Variants in CATSPER3 observed in about 807,000 individuals in gnomAD.
The protein encoded by CATSPER3 is cation channel sperm-associated protein 3.
In CATSPER3, 23 loss-of-function variants were observed where a neutral mutation model predicts 36.6. The observed-to-expected ratio is 0.63, with a 90% CI of 0.45 to 0.89. The LOEUF is 0.89. CATSPER3 is among the 40% of genes least tolerant of loss of function. CATSPER3 has a pLI of 0.00. For synonymous variants in CATSPER3, 172 were observed against 184.1 expected, an observed-to-expected ratio of 0.93 and a Z score of 0.53; for missense variants, 474 against 503.9, an observed-to-expected ratio of 0.94 and a Z score of 0.57.
chr5:134,970,408 C>G (rs1751588772), intron 2 of CATSPER3, among the ~76,000 whole-genome samples: 2 of 152,000 alleles, frequency 1.3e-5, no homozygotes, highest in Non-Finnish European at 1.5e-5. Flanking sequence ...ATCCACCCGC[C>G]TCAGCCTCCC....
At chr5:134,972,792 C>T (rs1440649456) in intron 2 of CATSPER3, among the ~76,000 whole-genome samples, 1 of 152,148 alleles carries the variant, frequency 6.6e-6, no homozygotes, top group Non-Finnish European at 1.5e-5. Context: ...TGAAAGAGCA[C>T]ACATTGCATA....
At chr5:135,000,619 G>A (rs373517784) in intron 3 of CATSPER3, among the ~76,000 whole-genome samples, 2 of 152,050 alleles carry the variant, frequency 1.3e-5, no homozygotes, top group South Asian at 2.1e-4. Flanking sequence ...GTCTATTCAG[G>A]GATTCAACTT....
At chr5:134,969,409 G>A (rs917601760) in intron 1 of CATSPER3, 27 of 168,908 alleles carry the variant, frequency 1.6e-4, no homozygotes, top group African/African-American at 6.2e-4. Context: ...GATTGGTATT[G>A]CTGTAGAACA....
chr5:134,986,198 G>A (rs1042323280), intron 2 of CATSPER3, among the ~76,000 whole-genome samples: 1 of 150,806 alleles, frequency 6.6e-6, no homozygotes, highest in African/African-American at 2.4e-5. Context: ...AGGCTGGAGT[G>A]CAATGGCACA....
chr5:134,968,020 C>G lies in CATSPER3; in HGVS notation c.29C>G (p.Ser10Trp), dbSNP rs377374613. The G allele has an allele frequency of 4.3e-6, 7 of 1,613,922 alleles. No individual in the cohort carries two copies. The Admixed American group carries it at 1.0e-4, about 23-fold the overall frequency. Reference protein sequence around the residue: MSQHRHQRHSRVISSSPVDT... With the variant: MSQHRHQRHWRVISSSPVDT... ...TCTCAACACCGTCACCAGCGCCACTCGAGAGTCATTTCTAGTTCACCAGTT... is the reference window on the plus strand; with the variant it reads ...TCTCAACACCGTCACCAGCGCCACTGGAGAGTCATTTCTAGTTCACCAGTT... Residue 10 changes from serine (S) to tryptophan (W), a missense_variant, in exon 1 of 8, where the codon TCG becomes TGG. Ser to Trp is a radical substitution (Grantham distance 177, BLOSUM62 -3). Coordinates refer to ENST00000282611, the MANE Select transcript of CATSPER3 (RefSeq NM_178019.3).
intron 2 of CATSPER3, among the ~76,000 whole-genome samples, chr5:134,977,927 A>T (rs74845789): frequency 0.036 from 5,490 of 152,126 alleles, 323 homozygotes; most frequent in African/African-American, 0.12. Context: ...AGAGGGGGGA[A>T]CTGCCACACA....
chr5:134,994,343 A>G lies in CATSPER3; in HGVS notation c.253-1930A>G, dbSNP rs541422817. 5.3e-5 allele frequency among the ~76,000 whole-genome samples: 8 copies of G among 152,352 alleles called. No individual in the cohort carries two copies. The South Asian group carries it at 6.2e-4, about 12-fold the overall frequency. ...CATATAAAAATGCCCAACTTTATTA[A>G]TAGAGAAATGAAAATTTAAAAATAG... On this transcript the variant is annotated intron_variant, in intron 2 of 7. Transcript: ENST00000282611.
chr5:134,981,697 C>T (rs1751753458), intron 2 of CATSPER3, among the ~76,000 whole-genome samples: 1 of 152,048 alleles, frequency 6.6e-6, no homozygotes, highest in Non-Finnish European at 1.5e-5. Flanking sequence ...TACCACGTTG[C>T]AATATTTAAA....
At chr5:134,970,821 G>A (rs1038355567) in intron 2 of CATSPER3, among the ~76,000 whole-genome samples, 2 of 151,960 alleles carry the variant, frequency 1.3e-5, no homozygotes, top group Admixed American at 6.6e-5. Flanking sequence ...AGCTGCCTGC[G>A]TCGGGCTCCC....
chr5:134,997,397 TCAAA>T (rs1262309140), intron 3 of CATSPER3, among the ~76,000 whole-genome samples: 1 of 152,184 alleles, frequency 6.6e-6, no homozygotes, highest in Non-Finnish European at 1.5e-5. Context: ...GTGTCCCCTC[TCAAA>T]CAACGCAGTC....
At chr5:134,976,859 T>G (rs1420731841) in intron 2 of CATSPER3, among the ~76,000 whole-genome samples, 2 of 152,274 alleles carry the variant, frequency 1.3e-5, no homozygotes, top group African/African-American at 4.8e-5. Context: ...CAGCAGCTTG[T>G]GCTCTCCAAA....
intron 2 of CATSPER3, among the ~76,000 whole-genome samples, chr5:134,973,689 A>G (rs573576367): frequency 1.5e-4 from 23 of 152,232 alleles, no homozygotes; most frequent in African/African-American, 3.6e-4. Context: ...TTGAGCTCCA[A>G]TAAGAAGAAT....
In CATSPER3 at chr5:134,968,078, C is replaced by T; in HGVS notation, c.87C>T (p.Phe29=). Residue 29 remains phenylalanine (F), a synonymous_variant, in exon 1 of 8, where the codon TTC becomes TTT. Coordinates refer to ENST00000282611, the MANE Select transcript of CATSPER3 (RefSeq NM_178019.3). ...CATCGGTGGGATTTTGCCCAACATT[C>T]AAGAAATTTAAGTAAATATTATCTA... ...DTTSVGFCPT[F]KKFKRNDDEC... The T allele has an allele frequency of 1.2e-6, 2 of 1,608,896 alleles. No homozygotes were observed. Among genetic ancestry groups the T allele is most frequent in the Non-Finnish European group, 1.7e-6 (2 of 1,175,358 alleles).
intron 2 of CATSPER3, among the ~76,000 whole-genome samples, chr5:134,989,266 C>T (rs1195609830): frequency 1.3e-5 from 2 of 152,184 alleles, no homozygotes; most frequent in Non-Finnish European, 2.9e-5. Flanking sequence ...TGAGCACTGG[C>T]TTCAACTTAA....
At chr5:134,994,989 TCCTC>T (rs1158740201) in intron 2 of CATSPER3, among the ~76,000 whole-genome samples, 4 of 150,912 alleles carry the variant, frequency 2.7e-5, no homozygotes, top group African/African-American at 9.7e-5. Flanking sequence ...TTTCTTTCCT[TCCTC>T]CCTCCCTTCC....
At chr5:134,987,270 C>G (rs1190530538) in intron 2 of CATSPER3, among the ~76,000 whole-genome samples, 1 of 152,080 alleles carries the variant, frequency 6.6e-6, no homozygotes, top group Non-Finnish European at 1.5e-5. Context: ...AAATGGACAG[C>G]ACACAATTGA....
chr5:134,999,816 G>C (rs983322590), intron 3 of CATSPER3, among the ~76,000 whole-genome samples: 4 of 152,134 alleles, frequency 2.6e-5, no homozygotes, highest in African/African-American at 7.2e-5. Flanking sequence ...GGGCTGAGAC[G>C]ATGGGGTTTT....
intron 2 of CATSPER3, among the ~76,000 whole-genome samples, chr5:134,988,108 A>G (rs1751833196): frequency 6.6e-6 from 1 of 152,252 alleles, no homozygotes; most frequent in Non-Finnish European, 1.5e-5. Context: ...TTAAGGTTAC[A>G]TTATACTGTA....
intron 2 of CATSPER3, among the ~76,000 whole-genome samples, chr5:134,983,962 T>C (rs558584265): frequency 6.6e-6 from 1 of 152,252 alleles, no homozygotes; most frequent in East Asian, 1.9e-4. Flanking sequence ...TGGAAAAGAA[T>C]AGAGAACCCA....
Sources: allele counts gnomAD v4.1 joint callset (sites outside exome capture counted in the v4.1 genomes callset), GRCh38; gene constraint gnomAD v4.1.1; transcripts MANE v1.5; gene names NCBI Gene and HGNC (gene_info 2026-07-23, HGNC 2026-07-21).